EYS: variants seen among roughly 807,000 people sequenced by gnomAD.
EYS encodes EGF-like photoreceptor maintenance factor.
In EYS, 250 loss-of-function variants were observed where a neutral mutation model predicts 282.1. That is an observed-to-expected ratio of 0.89 (90% confidence interval 0.80 to 0.98). The LOEUF (loss-of-function observed/expected upper bound fraction) is 0.98. Among genes scored for constraint, EYS ranks in the 50% least tolerant of loss-of-function variants. The probability of loss-of-function intolerance (pLI) is 0.00; values close to 1 mark genes in which losing one functional copy is unlikely to be tolerated. For synonymous variants in EYS, 1,355 were observed against 1,282.9 expected (o/e 1.06, Z -1.20); for missense variants, 4,016 against 3,709.0 (o/e 1.08, Z -2.15).
intron 36 of EYS, among the ~76,000 whole-genome samples, chr6:63,849,421 C>T (rs938099096): frequency 2.6e-5 from 4 of 152,166 alleles, no homozygotes; most frequent in African/African-American, 7.2e-5. Flanking sequence ...GGTTGAAAGA[C>T]ACCTCATACA....
At chr6:65,130,635 C>A (rs1331459036) in intron 12 of EYS, among the ~76,000 whole-genome samples, 3 of 151,604 alleles carry the variant, frequency 2.0e-5, no homozygotes, top group Non-Finnish European at 4.4e-5. Context: ...GATCAACACA[C>A]AGGGGGCCTA....
intron 22 of EYS, among the ~76,000 whole-genome samples, chr6:64,684,932 A>G (rs1237385026): frequency 6.6e-6 from 1 of 152,088 alleles, no homozygotes; most frequent in African/African-American, 2.4e-5. Flanking sequence ...AAATCCAACC[A>G]TATAATTGTT....
At chr6:64,593,070 A>G in intron 25 of EYS, 47 bp downstream of exon 25, 2 of 1,369,324 alleles carry the variant, frequency 1.5e-6, no homozygotes, top group Non-Finnish European at 9.7e-7. Flanking sequence ...TTACCACACA[A>G]CTTTTTCAAA....
chr6:64,816,855 C>T (rs974095131), intron 21 of EYS, among the ~76,000 whole-genome samples: 1 of 151,580 alleles, frequency 6.6e-6, no homozygotes, highest in Non-Finnish European at 1.5e-5. Context: ...GAGCAATAGA[C>T]TTAAAATATC....
chr6:65,372,840 G>A (rs1765214180), intron 8 of EYS, among the ~76,000 whole-genome samples: 3 of 151,808 alleles, frequency 2.0e-5, no homozygotes, highest in Admixed American at 2.0e-4. Flanking sequence ...GAATTAATAA[G>A]GTTCTGACCT....
intron 5 of EYS, among the ~76,000 whole-genome samples, chr6:65,476,961 C>T (rs543346002): frequency 9.7e-4 from 147 of 152,160 alleles, no homozygotes; most frequent in African/African-American, 3.3e-3. Context: ...GTAAAAATTT[C>T]GAATTTTTAT....
chr6:64,788,069 GTTGT>G (rs1025166203), intron 22 of EYS, among the ~76,000 whole-genome samples: 5 of 151,852 alleles, frequency 3.3e-5, no homozygotes, highest in African/African-American at 9.7e-5. Context: ...TGTTTCTGGG[GTTGT>G]TTGTTTGTTT....
At chr6:65,057,577 TTA>T (rs1381641155) in intron 13 of EYS, 35 bp downstream of exon 13, 25 of 1,245,444 alleles carry the variant, frequency 2.0e-5, no homozygotes, top group African/African-American at 7.5e-5. Context: ...TTAAAGTTAA[TTA>T]TGTTTGCTTT....
At chr6:65,554,640 C>A (rs1002824942) in intron 2 of EYS, among the ~76,000 whole-genome samples, 4 of 152,132 alleles carry the variant, frequency 2.6e-5, no homozygotes, top group Non-Finnish European at 4.4e-5. Context: ...CCCCCAGACA[C>A]AAGACTGAGT....
intron 7 of EYS, among the ~76,000 whole-genome samples, chr6:65,398,719 A>C (rs1766382374): frequency 6.6e-6 from 1 of 152,086 alleles, no homozygotes; most frequent in Non-Finnish European, 1.5e-5. Context: ...TTAGCCCGAT[A>C]GCTTCTCTAA....
chr6:64,254,672 C>G (rs918252021), intron 30 of EYS, among the ~76,000 whole-genome samples: 1 of 152,020 alleles, frequency 6.6e-6, no homozygotes, highest in African/African-American at 2.4e-5. Context: ...AGCTGCTCAC[C>G]TGGGGTTTCT....
At chr6:65,038,571 TTTTCA>T (rs1772838280) in intron 13 of EYS, among the ~76,000 whole-genome samples, 1 of 151,464 alleles carries the variant, frequency 6.6e-6, no homozygotes, top group East Asian at 1.9e-4. Flanking sequence ...TAGAACAATA[TTTTCA>T]TTTCACTTGT....
At chr6:64,826,823 C>A (rs1490876145) in intron 19 of EYS, among the ~76,000 whole-genome samples, 1 of 151,096 alleles carries the variant, frequency 6.6e-6, no homozygotes, top group East Asian at 1.9e-4. Context: ...TTTTCAAAAT[C>A]ACTTTCCTGA....
intron 26 of EYS, among the ~76,000 whole-genome samples, chr6:64,564,436 C>A (rs1255736218): frequency 6.6e-6 from 1 of 151,484 alleles, no homozygotes; most frequent in Non-Finnish European, 1.5e-5. Context: ...CACCACCACG[C>A]CCAGCTATTT....
chr6:65,082,883 G>A (rs1441864725), intron 12 of EYS, among the ~76,000 whole-genome samples: 1 of 151,804 alleles, frequency 6.6e-6, no homozygotes, highest in Non-Finnish European at 1.5e-5. Flanking sequence ...CTAAGTAAAT[G>A]CATGCAATGG....
intron 12 of EYS, among the ~76,000 whole-genome samples, chr6:65,211,744 A>T (rs1766181672): frequency 6.6e-6 from 1 of 151,942 alleles, no homozygotes; most frequent in African/African-American, 2.4e-5. Context: ...GGGGCAGAAA[A>T]AAAAGCCCCT....
intron 26 of EYS, among the ~76,000 whole-genome samples, chr6:64,555,286 A>C (rs2149808214): frequency 6.6e-6 from 1 of 152,034 alleles, no homozygotes; most frequent in South Asian, 2.1e-4. Flanking sequence ...GATATCACAC[A>C]GTTTTACTTA....
At chr6:64,310,043 T>A (rs1769616849) in intron 29 of EYS, among the ~76,000 whole-genome samples, 2 of 139,774 alleles carry the variant, frequency 1.4e-5, no homozygotes, top group South Asian at 2.3e-4. Context: ...CCAGTCCAAA[T>A]GGCTATTTAT....
intron 2 of EYS, among the ~76,000 whole-genome samples, chr6:65,506,084 T>C (rs1766642676): frequency 6.6e-6 from 1 of 152,148 alleles, no homozygotes; most frequent in Non-Finnish European, 1.5e-5. Flanking sequence ...CATATAGGAT[T>C]GTTATGTCTG....
Sources: allele counts gnomAD v4.1 joint callset (sites outside exome capture counted in the v4.1 genomes callset), GRCh38; gene constraint gnomAD v4.1.1; transcripts MANE v1.5; gene names NCBI Gene and HGNC (gene_info 2026-07-23, HGNC 2026-07-21).